RALGPS1: variants seen among roughly 807,000 people sequenced by gnomAD.
RALGPS1 encodes the protein ras-specific guanine nucleotide-releasing factor RalGPS1.
In RALGPS1, 19 loss-of-function variants were observed where a neutral mutation model predicts 78.8. That is an observed-to-expected ratio of 0.24 (90% CI 0.17 to 0.35). The LOEUF is 0.35. Ranked by LOEUF, RALGPS1 falls within the 10% of genes least tolerant of loss-of-function variation. The pLI is 1.00. For synonymous variants in RALGPS1, 228 were observed against 256.3 expected, an observed-to-expected ratio of 0.89 and a Z score of 1.06; for missense variants, 454 against 688.3, an observed-to-expected ratio of 0.66 and a Z score of 3.81.
chr9:127,174,640 C>A, intron 10 of RALGPS1, 75 bp from the exon 11 acceptor site: 1 of 1,364,472 alleles, frequency 7.3e-7, no homozygotes, highest in Non-Finnish European at 1.0e-6. Flanking sequence ...ACTATAGTAG[C>A]TTTTCCCAGC....
chr9:127,215,172 C>T (rs1454751286), intron 18 of RALGPS1, among the ~76,000 whole-genome samples: 4 of 152,212 alleles, frequency 2.6e-5, no homozygotes, highest in African/African-American at 4.8e-5. Context: ...TCATCCCTGC[C>T]AAGAGCTGAC....
chr9:127,081,366 T>A (rs2051150946), intron 8 of RALGPS1, among the ~76,000 whole-genome samples: 1 of 152,208 alleles, frequency 6.6e-6, no homozygotes. Context: ...CTATCCTTAT[T>A]CCATCTCCCT....
At chr9:127,155,435 C>T (rs1197231040) in intron 8 of RALGPS1, among the ~76,000 whole-genome samples, 1 of 152,148 alleles carries the variant, frequency 6.6e-6, no homozygotes, top group Non-Finnish European at 1.5e-5. Flanking sequence ...AACCCCTCTG[C>T]TGAGGCTCAG....
intron 8 of RALGPS1, among the ~76,000 whole-genome samples, chr9:127,070,771 TG>T (rs982488224): frequency 6.6e-6 from 1 of 152,108 alleles, no homozygotes; most frequent in Non-Finnish European, 1.5e-5. Flanking sequence ...TCCTGATATT[TG>T]CAAGGGATCT....
Position 127,129,302 on chromosome 9 carries a change from A to T in RALGPS1, c.611-36767A>T, listed in dbSNP as rs76101621. Among the ~76,000 whole-genome samples, 437 of 152,200 alleles carry T rather than the reference A, an allele frequency of 2.9e-3. 2 individuals are homozygous for T. Among genetic ancestry groups the T allele is most frequent in the African/African-American group, 9.9e-3 (411 of 41,516 alleles). On this transcript the variant is annotated intron_variant, in intron 8 of 18. Transcript: ENST00000259351. Reference sequence around the variant, plus strand: ...TCTTCATAGCGAAAAATTCATAGACACTTTCCAAAGCTGTTTAAAATAATT... The same window carrying T: ...TCTTCATAGCGAAAAATTCATAGACTCTTTCCAAAGCTGTTTAAAATAATT...
At chr9:127,128,615 C>T (rs2056794324) in intron 8 of RALGPS1, among the ~76,000 whole-genome samples, 1 of 152,210 alleles carries the variant, frequency 6.6e-6, no homozygotes, top group Non-Finnish European at 1.5e-5. Flanking sequence ...TGCCAGAAGC[C>T]TCCATCAGTC....
At chr9:126,922,175 A>G (rs2034832839) in intron 1 of RALGPS1, among the ~76,000 whole-genome samples, 1 of 152,216 alleles carries the variant, frequency 6.6e-6, no homozygotes, top group African/African-American at 2.4e-5. Flanking sequence ...CTGTTTAATC[A>G]TTCCATTATT....
At chr9:126,955,968 C>G (rs923826065) in intron 1 of RALGPS1, among the ~76,000 whole-genome samples, 1 of 152,208 alleles carries the variant, frequency 6.6e-6, no homozygotes, top group Admixed American at 6.5e-5. Context: ...CCCTGGGCTG[C>G]TCTCCTTTTC....
At chr9:127,060,137 T>TG (rs1160419106) in intron 7 of RALGPS1, among the ~76,000 whole-genome samples, 2 of 152,030 alleles carry the variant, frequency 1.3e-5, no homozygotes, top group Non-Finnish European at 2.9e-5. Flanking sequence ...TGCCCACACA[T>TG]GGGGGGCTGT....
intron 3 of RALGPS1, among the ~76,000 whole-genome samples, 166 bp from the exon 4 acceptor site, chr9:126,977,529 G>A (rs1417299310): frequency 6.6e-6 from 1 of 152,192 alleles, no homozygotes; most frequent in Admixed American, 6.5e-5. Context: ...GAAGGGATGG[G>A]AGAGGCATTT....
intron 4 of RALGPS1, among the ~76,000 whole-genome samples, chr9:126,996,749 A>G (rs200091605): frequency 0.17 from 25,201 of 151,324 alleles, 2,174 homozygotes; most frequent in East Asian, 0.4. Flanking sequence ...TTTTAGACCA[A>G]TATCCTTGAT....
chr9:127,045,228 T>A (rs540744319), intron 5 of RALGPS1, among the ~76,000 whole-genome samples: 5 of 152,232 alleles, frequency 3.3e-5, no homozygotes, highest in Non-Finnish European at 5.9e-5. Flanking sequence ...AGTGTAACAC[T>A]TTGTTACATT....
intron 8 of RALGPS1, among the ~76,000 whole-genome samples, chr9:127,123,178 C>G (rs901321198): frequency 4.6e-5 from 7 of 152,240 alleles, no homozygotes; most frequent in African/African-American, 1.7e-4. Context: ...ATTCTCATCT[C>G]TAAACCCTGG....
intron 8 of RALGPS1, chr9:127,108,029 T>C (rs2054392253): frequency 6.2e-7 from 1 of 1,602,918 alleles, no homozygotes. Context: ...GAGATCTGGT[T>C]GATGATGCGG....
chr9:127,054,379 A>G (rs547144304), intron 7 of RALGPS1, among the ~76,000 whole-genome samples: 2 of 152,348 alleles, frequency 1.3e-5, no homozygotes, highest in African/African-American at 4.8e-5. Flanking sequence ...CATGATGCCT[A>G]GACTTTACTG....
intron 8 of RALGPS1, among the ~76,000 whole-genome samples, chr9:127,106,685 G>A (rs566088993): frequency 1.3e-5 from 2 of 152,190 alleles, no homozygotes; most frequent in Non-Finnish European, 2.9e-5. Context: ...AGGTGCTGCA[G>A]TGGATGCTCA....
At chr9:127,152,340 A>T (rs943702094) in intron 8 of RALGPS1, among the ~76,000 whole-genome samples, 13 of 152,130 alleles carry the variant, frequency 8.5e-5, no homozygotes, top group Non-Finnish European at 1.5e-4. Flanking sequence ...AATAAAATCT[A>T]TTCAGCTTTG....
chr9:127,121,843 G>A (rs987613808), intron 8 of RALGPS1, among the ~76,000 whole-genome samples: 15 of 152,156 alleles, frequency 9.9e-5, no homozygotes, highest in African/African-American at 3.4e-4. Flanking sequence ...GGCTCCCAGC[G>A]CCTCAGCACA....
intron 1 of RALGPS1, among the ~76,000 whole-genome samples, chr9:126,919,297 A>G (rs2034511771): frequency 6.6e-6 from 1 of 152,166 alleles, no homozygotes; most frequent in South Asian, 2.1e-4. Flanking sequence ...TTTACTCAGT[A>G]TTGGTTAGCA....
Sources: allele counts gnomAD v4.1 joint callset (sites outside exome capture counted in the v4.1 genomes callset), GRCh38; gene constraint gnomAD v4.1.1; transcripts MANE v1.5; gene names NCBI Gene and HGNC (gene_info 2026-07-23, HGNC 2026-07-21).